Variants in VWF observed in about 807,000 individuals in gnomAD.
VWF encodes von Willebrand factor.
In VWF, 176 loss-of-function variants were observed where a neutral mutation model predicts 308.6. The observed-to-expected ratio is 0.57, with a 90% confidence interval of 0.50 to 0.65. The LOEUF is 0.65. VWF is among the 30% of genes least tolerant of loss of function. The pLI is 0.00. For missense variants in VWF, 3,146 were observed against 3,648.2 expected, an observed-to-expected ratio of 0.86 and a Z score of 3.55; for synonymous variants, 1,385 against 1,443.4, an observed-to-expected ratio of 0.96 and a Z score of 0.92.
intron 28 of VWF, among the ~76,000 whole-genome samples, chr12:6,017,899 C>A (rs1412081061): frequency 6.6e-6 from 1 of 152,220 alleles, no homozygotes. Context: ...TGACACCTGA[C>A]ATCCTGGTCT....
chr12:6,000,705 G>T (rs577568789), intron 34 of VWF, among the ~76,000 whole-genome samples: 1 of 150,830 alleles, frequency 6.6e-6, no homozygotes, highest in African/African-American at 2.4e-5. Flanking sequence ...CCAGCTACTC[G>T]GGAGGCTGAG....
At chr12:6,097,352 G>C (rs1411527684) in intron 5 of VWF, among the ~76,000 whole-genome samples, 1 of 152,148 alleles carries the variant, frequency 6.6e-6, no homozygotes, top group African/African-American at 2.4e-5. Flanking sequence ...CAGGAGAATT[G>C]CTTGAACCTG....
Position 5,948,954 on chromosome 12 carries a change from C to T in VWF, c.*61G>A. The T allele has an allele frequency of 1.3e-6, 2 of 1,565,416 alleles. No individual in the cohort carries two copies. Among genetic ancestry groups the T allele is most frequent in the South Asian group, 1.2e-5 (1 of 86,460 alleles). On this transcript the variant is annotated 3_prime_UTR_variant, in exon 52 of 52. Coordinates refer to ENST00000261405, the MANE Select transcript of VWF (RefSeq NM_000552.5). The surrounding 1 kb of genome is among the most constrained non-coding windows in gnomAD (Gnocchi z 4.4). ...CAGAACATGCAGAGGACTGGCAGCA[C>T]TCTGGCCTGGCCATCAGGCCAAGGC...
rs147288409 is a variant in VWF, at chr12:5,971,428, T to C, written c.7548+171A>G. Among the ~76,000 whole-genome samples, 785 of 152,322 alleles carry C rather than the reference T, an allele frequency of 5.2e-3. 4 individuals are homozygous for C. Among genetic ancestry groups the C allele is most frequent in the Middle Eastern group, 0.027 (8 of 294 alleles). On this transcript the variant is annotated intron_variant, in intron 44 of 51. Transcript: ENST00000261405. ...ATGGGAAGGCTGAGGCCGTCTTAACTGGTTCCTAAGGGGCAGGTCATCCCA... is the reference window on the plus strand; with the variant it reads ...ATGGGAAGGCTGAGGCCGTCTTAACCGGTTCCTAAGGGGCAGGTCATCCCA...
intron 20 of VWF, among the ~76,000 whole-genome samples, chr12:6,031,902 A>G (rs1944268096): frequency 6.6e-6 from 1 of 152,176 alleles, no homozygotes; most frequent in Non-Finnish European, 1.5e-5. Flanking sequence ...CCTTGCCTAG[A>G]GCCCATTAGA....
At position 6,117,396 on chromosome 12, in the gene VWF, C is replaced by A. The variant is rs1375572012; in HGVS notation, c.220+3778G>T. On this transcript the variant is annotated intron_variant, in intron 3 of 51. Coordinates refer to ENST00000261405, the MANE Select transcript of VWF (RefSeq NM_000552.5). ...TGAGGGGGAGTTGAAACTCAAGTGA[C>A]CCTGACCTCGTGGAAATGCCTGGGG... Among the ~76,000 whole-genome samples the A allele has an allele frequency of 2.0e-5, 3 of 152,178 alleles. No homozygotes were observed. The East Asian group carries it at 5.8e-4, about 29-fold the overall frequency.
intron 47 of VWF, among the ~76,000 whole-genome samples, chr12:5,965,708 C>G (rs1943394165): frequency 6.6e-6 from 1 of 152,194 alleles, no homozygotes; most frequent in Middle Eastern, 3.2e-3. Flanking sequence ...CTACCTAGAC[C>G]TAATTCACCA....
At chr12:6,012,839 C>G (rs1442971794) in intron 32 of VWF, among the ~76,000 whole-genome samples, 13 of 151,808 alleles carry the variant, frequency 8.6e-5, no homozygotes, top group East Asian at 7.7e-4. Flanking sequence ...GTAGCTGGTA[C>G]TACAGGTGCC....
At position 6,110,905 on chromosome 12, in the gene VWF, T is replaced by C. The variant is rs1415405296; in HGVS notation, c.284A>G (p.His95Arg). Residue 95 changes from histidine (H) to arginine (R), a missense_variant, in exon 4 of 52, where the codon CAT becomes CGT. His to Arg is a conservative substitution (Grantham distance 29). Coordinates refer to ENST00000261405, the MANE Select transcript of VWF (RefSeq NM_000552.5). Reference protein sequence around the residue: ...SVYLGEFFDIHLFVNGTVTQG... With the variant: ...SVYLGEFFDIRLFVNGTVTQG... ...TGTCACGGTACCATTGACAAACAAATGGATGTCAAAAAATTCCCCAAGATA... is the reference window on the plus strand; with the variant it reads ...TGTCACGGTACCATTGACAAACAAACGGATGTCAAAAAATTCCCCAAGATA... 6.2e-7 allele frequency: 1 copy of C among 1,614,154 alleles called. No individual in the cohort carries two copies. The highest frequency in any genetic ancestry group is 1.3e-5 in the African/African-American group (1 of 75,034).
intron 43 of VWF, among the ~76,000 whole-genome samples, chr12:5,972,504 C>A (rs1943487954): frequency 6.6e-6 from 1 of 152,168 alleles, no homozygotes; most frequent in East Asian, 1.9e-4. Flanking sequence ...GAAAGAGTAA[C>A]CACAGCTGTT....
At chr12:6,113,948 G>A (rs979117852) in intron 3 of VWF, among the ~76,000 whole-genome samples, 1 of 152,238 alleles carries the variant, frequency 6.6e-6, no homozygotes, top group Non-Finnish European at 1.5e-5. Flanking sequence ...CCACCTGCCA[G>A]ATGGCAGACA....
chr12:6,029,655 C>A (rs533087424), intron 21 of VWF, among the ~76,000 whole-genome samples, 167 bp from the exon 22 acceptor site: 1 of 152,178 alleles, frequency 6.6e-6, no homozygotes, highest in African/African-American at 2.4e-5. Context: ...GCCAGCCCCA[C>A]GCCAGGACAT....
intron 8 of VWF, among the ~76,000 whole-genome samples, chr12:6,073,087 A>T (rs1374947242): frequency 1.3e-5 from 2 of 152,084 alleles, no homozygotes; most frequent in African/African-American, 4.8e-5. Context: ...GGCTGGTCTC[A>T]AACTCCTGAA....
chr12:6,103,411 C>CACACGTGTGTGTATACACACGTGTGTAT, intron 5 of VWF, among the ~76,000 whole-genome samples: 1 of 99,586 alleles, frequency 1.0e-5, no homozygotes, highest in Non-Finnish European at 1.7e-5. Context: ...TGTGTGTATA[C>CACACGTGTGTGTATACACACGTGTGTAT]ACACGTGTGT....
rs551764860 is a variant in VWF, at chr12:6,056,684, T to A, written c.1945+173A>T. Among the ~76,000 whole-genome samples the A allele has an allele frequency of 3.9e-5, 6 of 152,302 alleles. No individual in the cohort carries two copies. The South Asian group carries it at 1.0e-3, about 26-fold the overall frequency. Reference sequence around the variant, plus strand: ...AGCCGGTCCCCACCGCCTGTCCTGCTGGGAGGTGGAAGGGAAAAGTGGGTG... The same window carrying A: ...AGCCGGTCCCCACCGCCTGTCCTGCAGGGAGGTGGAAGGGAAAAGTGGGTG... On this transcript the variant is annotated intron_variant, in intron 15 of 51. Transcript: ENST00000261405.
chr12:5,967,098 T>C (rs1335699871), intron 47 of VWF, among the ~76,000 whole-genome samples: 2 of 152,236 alleles, frequency 1.3e-5, no homozygotes, highest in Non-Finnish European at 2.9e-5. Context: ...TTCAAAGGAA[T>C]GTTGTGTAGA....
chr12:6,045,337 A>G (rs1218254683), intron 17 of VWF, among the ~76,000 whole-genome samples: 1 of 152,238 alleles, frequency 6.6e-6, no homozygotes, highest in Non-Finnish European at 1.5e-5. Context: ...TTGTTAGAAA[A>G]CTGAAACTCC....
At chr12:6,036,045 T>A (rs1021829949) in intron 19 of VWF, among the ~76,000 whole-genome samples, 1 of 152,224 alleles carries the variant, frequency 6.6e-6, no homozygotes, top group Admixed American at 6.5e-5. Context: ...TAAATAAATG[T>A]CATGTTTAGA....
rs1001882497 is a variant in VWF at position 5,991,562 on chromosome 12, A to G, written c.6798+257T>C. 2.6e-4 allele frequency among the ~76,000 whole-genome samples: 40 copies of G among 152,258 alleles called. 1 individual carries two copies. Among genetic ancestry groups the G allele is most frequent in the South Asian group, 4.1e-4 (2 of 4,830 alleles). On this transcript the variant is annotated intron_variant, in intron 38 of 51. Coordinates refer to ENST00000261405, the MANE Select transcript of VWF (RefSeq NM_000552.5). ...GACTATAATCATAAAGACAATAGTA[A>G]TAACAATCATAATAATAATGTGGTA...
Sources: allele counts gnomAD v4.1 joint callset (sites outside exome capture counted in the v4.1 genomes callset), GRCh38; gene constraint gnomAD v4.1.1; non-coding constraint Gnocchi (gnomAD v3.1); transcripts MANE v1.5; gene names NCBI Gene and HGNC (gene_info 2026-07-23, HGNC 2026-07-21).